Variants in FAM171A2 observed in about 807,000 individuals in gnomAD.
The protein encoded by FAM171A2 is family with sequence similarity 171 member A2.
Under a neutral mutation model 34.2 loss-of-function variants are expected in FAM171A2, and 13 were observed. The observed-to-expected ratio is 0.38, with a 90% CI of 0.25 to 0.60. The LOEUF is 0.60. Among genes scored for constraint, FAM171A2 ranks in the 20% least tolerant of loss-of-function variants. FAM171A2 has a pLI of 0.62. For missense variants in FAM171A2, 950 were observed against 1,180.7 expected (o/e 0.80, Z 2.86); for synonymous variants, 475 against 561.2 (o/e 0.85, Z 2.17).
In FAM171A2 at chr17:44,354,780, C is replaced by T. The variant is rs1458425608; in HGVS notation, c.1434G>A (p.Pro478=). 1.3e-5 allele frequency: 17 copies of T among 1,298,326 alleles called. No homozygotes were observed. Among genetic ancestry groups the T allele is most frequent in the South Asian group, 1.3e-4 (6 of 46,668 alleles). The allele number at this position is 1,298,326 out of a possible 1,614,324, so 80.4% of individuals were successfully genotyped here. ...GGCCCAGGTAGTGGTCGAAGGGCGG[C>T]GGCGGCGAGGGCGGCTCGTGCAGGA... is the stretch of plus-strand genomic sequence containing the variant. ...AAFLHEPPSP[P]PPFDHYLGHK... The change falls in exon 8 of 8, where the codon CCG becomes CCA. Residue 478 remains proline (P), a synonymous_variant. Transcript: ENST00000293443. The surrounding 1 kb of genome is among the most constrained non-coding windows in gnomAD (Gnocchi z 5.8).
chr17:44,357,818 T>C (rs1310616627), intron 3 of FAM171A2, among the ~76,000 whole-genome samples: 7 of 151,188 alleles, frequency 4.6e-5, no homozygotes, highest in African/African-American at 1.7e-4. Flanking sequence ...AGCTAACATT[T>C]ATTAATCTTT....
At chr17:44,362,289 GA>G (rs2048451341) in intron 1 of FAM171A2, among the ~76,000 whole-genome samples, 1 of 152,104 alleles carries the variant, frequency 6.6e-6, no homozygotes, top group Non-Finnish European at 1.5e-5. Context: ...TTCCTACTAA[GA>G]AAAGCCTGAT....
intron 1 of FAM171A2, among the ~76,000 whole-genome samples, 194 bp downstream of exon 1, chr17:44,363,403 C>A (rs1053298680): frequency 6.6e-6 from 1 of 152,150 alleles, no homozygotes; most frequent in Admixed American, 6.5e-5. Flanking sequence ...AGACCCCCGC[C>A]CCGGACGGCC....
At position 44,356,447 on chromosome 17, in the gene FAM171A2, G is replaced by A; in HGVS notation, c.581C>T (p.Thr194Ile). 6.4e-7 allele frequency: 1 copy of A among 1,551,126 alleles called. No homozygotes were observed. Among genetic ancestry groups the A allele is most frequent in the South Asian group, 1.2e-5 (1 of 84,046 alleles). ...CAGCCTACCTGAGCTGGAGGCCTCA[G>A]TGCCCAGGAAGGCAGGGAAAGCCCG... ...EMRAFPAFLGTEASSSGNGSW... is the reference protein window; with the variant it reads ...EMRAFPAFLGIEASSSGNGSW... The change falls in exon 4 of 8, where the codon ACT (threonine) becomes ATT (isoleucine). Residue 194 changes from threonine (T) to isoleucine (I), a missense_variant. Transcript: ENST00000293443.
At position 44,360,116 on chromosome 17, in the gene FAM171A2, C is replaced by T; in HGVS notation, c.135G>A (p.Val45=). The change falls in exon 2 of 8, where the codon GTG becomes GTA. Residue 45 remains valine (V), a synonymous_variant. Coordinates refer to ENST00000293443, the MANE Select transcript of FAM171A2 (RefSeq NM_198475.3). ...PPSPQEILIK[V]QVYVSGELVP... is the part of the protein sequence containing the mutation. ...CCAGCTCCCCGCTCACATACACCTG[C>T]ACCTTGATCAGGATCTCTGTGGGCA... 1 of 1,551,502 alleles carries T rather than the reference C, an allele frequency of 6.4e-7. No individual in the cohort carries two copies. Among genetic ancestry groups the T allele is most frequent in the Non-Finnish European group, 8.7e-7 (1 of 1,146,890 alleles).
intron 2 of FAM171A2, 103 bp downstream of exon 2, chr17:44,359,802 G>T: frequency 1.5e-6 from 2 of 1,368,034 alleles, no homozygotes; most frequent in Non-Finnish European, 9.9e-7. Flanking sequence ...CCAGGCAGCA[G>T]CTGCTGGAAA....
chr17:44,356,539 C>T lies in FAM171A2; in HGVS notation c.489G>A (p.Leu163=), dbSNP rs1307842059. 1 of 1,549,376 alleles carries T rather than the reference C, an allele frequency of 6.5e-7. No homozygotes were observed. The highest frequency in any genetic ancestry group is 8.7e-7 in the Non-Finnish European group (1 of 1,146,638). ...LVQFQRRAAR[L]PVSSTYSQLW... is the part of the protein sequence containing the mutation. ...GCTGGCTGTAGGTGGAGCTGACAGG[C>T]AGGCGGGCAGCCCGGCGCTGGAACT... Residue 163 remains leucine (L), a synonymous_variant, in exon 4 of 8, where the codon CTG becomes CTA. Coordinates refer to ENST00000293443, the MANE Select transcript of FAM171A2 (RefSeq NM_198475.3).
chr17:44,363,846 C>T lies in FAM171A2; in HGVS notation c.-132G>A, dbSNP rs537556651. 2 of 334,378 alleles carry T rather than the reference C, an allele frequency of 6.0e-6. No homozygotes were observed. Among genetic ancestry groups the T allele is most frequent in the African/African-American group, 4.4e-5 (2 of 45,444 alleles). The allele number at this position is 334,378 out of a possible 1,614,324, so 20.7% of individuals were successfully genotyped here. On this transcript the variant is annotated 5_prime_UTR_variant, in exon 1 of 8. Transcript: ENST00000293443. ...CTCCCGCTGCGGCGCCCGCTCAGCG[C>T]GATTGTCTCCGACCGGAGCCGCCGC...
In FAM171A2 at chr17:44,353,695, C is replaced by A; in HGVS notation, c.*38G>T. The stretch of plus-strand genomic sequence containing the variant: ...CCGGGGCGCGCACCCTGGGTGCGGG[C>A]CCGCGCGGGAGGGGCGGTGCCAGGC... On this transcript the variant is annotated 3_prime_UTR_variant, in exon 8 of 8. Transcript: ENST00000293443. 1.6e-6 allele frequency: 2 copies of A among 1,271,288 alleles called. No homozygotes were observed. The highest frequency in any genetic ancestry group is 2.0e-6 in the Non-Finnish European group (2 of 1,011,478). The allele number at this position is 1,271,288 out of a possible 1,614,324, so 78.8% of individuals were successfully genotyped here. A position where few individuals can be genotyped will look rare whatever the true frequency, so the allele number is the denominator to read the frequency against.
At chr17:44,359,306 T>G in intron 3 of FAM171A2, 1 of 451,322 alleles carries the variant, frequency 2.2e-6, no homozygotes, top group Non-Finnish European at 4.1e-6. Flanking sequence ...GCAGGGAAGG[T>G]AGGAATAGAT....
At position 44,354,563 on chromosome 17, in the gene FAM171A2, C is replaced by T; in HGVS notation, c.1651G>A (p.Gly551Ser). Residue 551 changes from glycine to serine, a missense_variant, in exon 8 of 8, where the codon GGC becomes AGC. Around this residue, in one of 3 missense-constraint regions of FAM171A2, gnomAD observed 752 missense variants for 924.5 expected, o/e 0.81. Coordinates refer to ENST00000293443, the MANE Select transcript of FAM171A2 (RefSeq NM_198475.3). This position sits in a 1 kb window ranked among gnomAD's most constrained non-coding sequence, Gnocchi z 5.8. Reference protein sequence around the residue: ...VIPAHYVRLGGEAGAAGVGDE... With the variant: ...VIPAHYVRLGSEAGAAGVGDE... ...CCCACGCCGGCGGCGCCCGCCTCGC[C>T]GCCGAGGCGCACGTAGTGCGCGGGG... The T allele has an allele frequency of 8.3e-7, 1 of 1,209,616 alleles. No individual in the cohort carries two copies. 74.9% of individuals were successfully genotyped at this position (1,209,616 alleles called of 1,614,324 possible). A position where few individuals can be genotyped will look rare whatever the true frequency, so the allele number is the denominator to read the frequency against.
intron 1 of FAM171A2, 88 bp from the exon 2 acceptor site, chr17:44,360,220 G>A: frequency 2.7e-6 from 3 of 1,104,522 alleles, no homozygotes; most frequent in Non-Finnish European, 3.9e-6. Context: ...AAGGAGCTGT[G>A]TTTGAGAGAG....
Position 44,353,965 on chromosome 17 carries a change from G to A in FAM171A2, c.2249C>T (p.Thr750Met). 1 of 1,293,084 alleles carries A rather than the reference G, an allele frequency of 7.7e-7. No individual in the cohort carries two copies. The allele number at this position is 1,293,084 out of a possible 1,614,324, so 80.1% of individuals were successfully genotyped here. A position where few individuals can be genotyped will look rare whatever the true frequency, so the allele number is the denominator to read the frequency against. ...CGCCGCCACCTCGTCCAGCAGCGGCGTCAGCGAGTTGTCCTCCGGAGAGCA... is the reference window on the plus strand; with the variant it reads ...CGCCGCCACCTCGTCCAGCAGCGGCATCAGCGAGTTGTCCTCCGGAGAGCA... ...GLCSPEDNSL[T>M]PLLDEVAAPE... Residue 750 changes from threonine to methionine, a missense_variant, in exon 8 of 8, where the codon ACG becomes ATG. Thr to Met is a moderately conservative substitution (Grantham distance 81). This residue lies in a region of FAM171A2 where 191 missense variants were observed against 222.8 expected (regional missense o/e 0.86). Coordinates refer to ENST00000293443, the MANE Select transcript of FAM171A2 (RefSeq NM_198475.3).
chr17:44,356,231 C>T lies in FAM171A2; in HGVS notation c.720G>A (p.Glu240=), dbSNP rs2048422825. Reference sequence around the variant, plus strand: ...TGGTGCCCACGGTGAGGGCACGAGTCTCGGAGGGCACGGGCAGGGACAGGT... The same window carrying T: ...TGGTGCCCACGGTGAGGGCACGAGTTTCGGAGGGCACGGGCAGGGACAGGT... ...PIHLSLPVPS[E]TRALTVGTSI... is the part of the protein sequence containing the mutation. Residue 240 remains glutamate, a synonymous_variant, in exon 5 of 8, where the codon GAG becomes GAA. Transcript: ENST00000293443. The T allele has an allele frequency of 3.2e-6, 5 of 1,551,390 alleles. No individual in the cohort carries two copies. The highest frequency in any genetic ancestry group is 4.4e-6 in the Non-Finnish European group (5 of 1,146,926).
chr17:44,354,556 G>A lies in FAM171A2; in HGVS notation c.1658C>T (p.Ala553Val), dbSNP rs2048411013. 1 of 1,203,090 alleles carries A rather than the reference G, an allele frequency of 8.3e-7. No homozygotes were observed. The highest frequency in any genetic ancestry group is 1.0e-6 in the Non-Finnish European group (1 of 969,422). The allele number at this position is 1,203,090 out of a possible 1,614,324, so 74.5% of individuals were successfully genotyped here. A position where few individuals can be genotyped will look rare whatever the true frequency, so the allele number is the denominator to read the frequency against. ...PAHYVRLGGE[A>V]GAAGVGDEPA... is the part of the protein sequence containing the mutation. ...CTCGTCGCCCACGCCGGCGGCGCCCGCCTCGCCGCCGAGGCGCACGTAGTG... is the reference window on the plus strand; with the variant it reads ...CTCGTCGCCCACGCCGGCGGCGCCCACCTCGCCGCCGAGGCGCACGTAGTG... The change falls in exon 8 of 8, where the codon GCG becomes GTG. Residue 553 changes from alanine (A) to valine (V), a missense_variant. This residue lies in a region of FAM171A2 where 752 missense variants were observed against 924.5 expected (regional missense o/e 0.81). Coordinates refer to ENST00000293443, the MANE Select transcript of FAM171A2 (RefSeq NM_198475.3). This position sits in a 1 kb window ranked among gnomAD's most constrained non-coding sequence, Gnocchi z 5.8.
At chr17:44,357,758 T>G (rs1218867928) in intron 3 of FAM171A2, among the ~76,000 whole-genome samples, 2 of 148,878 alleles carry the variant, frequency 1.3e-5, no homozygotes, top group African/African-American at 5.1e-5. Context: ...TGTGTGTGTG[T>G]TGGGGTGGAG....
At chr17:44,360,261 T>C in intron 1 of FAM171A2, 129 bp from the exon 2 acceptor site, 1 of 730,436 alleles carries the variant, frequency 1.4e-6, no homozygotes, top group Non-Finnish European at 2.2e-6. Context: ...GAAGGCATGA[T>C]TTAAGACCCA....
chr17:44,354,553 C>T lies in FAM171A2; in HGVS notation c.1661G>A (p.Gly554Asp), dbSNP rs2048410976. Residue 554 changes from glycine to aspartate, a missense_variant, in exon 8 of 8, where the codon GGC becomes GAC. Physicochemically the swap from Gly to Asp is moderately conservative, Grantham distance 94. Transcript: ENST00000293443. This position sits in a 1 kb window ranked among gnomAD's most constrained non-coding sequence, Gnocchi z 5.8. The part of the protein sequence containing the change: ...AHYVRLGGEA[G>D]AAGVGDEPAP... The stretch of plus-strand genomic sequence containing the variant: ...CGGCTCGTCGCCCACGCCGGCGGCG[C>T]CCGCCTCGCCGCCGAGGCGCACGTA... 9 of 1,200,514 alleles carry T rather than the reference C, an allele frequency of 7.5e-6. No individual in the cohort carries two copies. The South Asian group carries it at 3.3e-4, about 44-fold the overall frequency. The allele number at this position is 1,200,514 out of a possible 1,614,324, so 74.4% of individuals were successfully genotyped here.
In FAM171A2 at chr17:44,355,270, A is replaced by T; in HGVS notation, c.1023-79T>A. 6.6e-7 allele frequency: 1 copy of T among 1,509,422 alleles called. No homozygotes were observed. Among genetic ancestry groups the T allele is most frequent in the Non-Finnish European group, 8.8e-7 (1 of 1,132,318 alleles). 93.5% of individuals were successfully genotyped at this position (1,509,422 alleles called of 1,614,324 possible). A position where few individuals can be genotyped will look rare whatever the true frequency, so the allele number is the denominator to read the frequency against. On this transcript the variant is annotated intron_variant, in intron 7 of 7. Transcript: ENST00000293443. This position sits in a 1 kb window ranked among gnomAD's most constrained non-coding sequence, Gnocchi z 4.1. ...GGCCCCGAACCCCCTTAGATGCAAG[A>T]CAAGAGACGAATATAGTGGAAGAGG...
Sources: allele counts gnomAD v4.1 joint callset (sites outside exome capture counted in the v4.1 genomes callset), GRCh38; gene constraint gnomAD v4.1.1; regional missense constraint gnomAD v4.1.1; non-coding constraint Gnocchi (gnomAD v3.1); transcripts MANE v1.5; gene names NCBI Gene and HGNC (gene_info 2026-07-23, HGNC 2026-07-21).